Variants in PRND observed in about 807,000 individuals in gnomAD.
PRND encodes prion like protein doppel.
For synonymous variants in PRND, 94 were observed against 93.2 expected (o/e 1.01, Z -0.05); for missense variants, 227 against 223.3 (o/e 1.02, Z -0.11).
rs2122261727 is a variant in PRND, at chr20:4,725,070, C to CATGGTGAAATAAGG, written c.520_521insTGGTGAAATAAGGA (p.Thr174MetfsTer4). On this transcript the variant is annotated stop_gained and frameshift_variant, in exon 2 of 2. Coordinates refer to ENST00000305817, the MANE Select transcript of PRND (RefSeq NM_012409.4). LOFTEE classifies it high-confidence loss of function. ...TCTGCCTTCTGGCTTTGATCTGGCT[C>CATGGTGAAATAAGG]ACGGTGAAATAAGCTTGCCAGGAGG... The CATGGTGAAATAAGG allele has an allele frequency of 1.2e-6, 2 of 1,613,110 alleles. No homozygotes were observed. Among genetic ancestry groups the CATGGTGAAATAAGG allele is most frequent in the East Asian group, 4.5e-5 (2 of 44,848 alleles).
rs1269840084 is a variant in PRND at position 4,726,135 on chromosome 20, A to T, written c.*1053A>T. On this transcript the variant is annotated 3_prime_UTR_variant, in exon 2 of 2. Coordinates refer to ENST00000305817, the MANE Select transcript of PRND (RefSeq NM_012409.4). The stretch of plus-strand genomic sequence containing the variant: ...TGGGCCTCCCATAGTGCTGGGATTC[A>T]ATTTTTTTTTTTTTTTTTTCAAAAG... 3.8e-5 allele frequency: 2 copies of T among 52,416 alleles called. No homozygotes were observed. Among genetic ancestry groups the T allele is most frequent in the Non-Finnish European group, 6.9e-5 (2 of 29,104 alleles). The allele number at this position is 52,416 out of a possible 1,614,324, so 3.2% of individuals were successfully genotyped here. A position where few individuals can be genotyped will look rare whatever the true frequency, so the allele number is the denominator to read the frequency against.
chr20:4,725,242 C>T lies in PRND; in HGVS notation c.*160C>T. On this transcript the variant is annotated 3_prime_UTR_variant, in exon 2 of 2. Transcript: ENST00000305817. ...TCTCACGTATGCGCCCTGGTATGTGCCTGCGTTCTGATAGATGGGGGACTG... is the reference window on the plus strand; with the variant it reads ...TCTCACGTATGCGCCCTGGTATGTGTCTGCGTTCTGATAGATGGGGGACTG... 2 of 874,888 alleles carry T rather than the reference C, an allele frequency of 2.3e-6. No homozygotes were observed. Among genetic ancestry groups the T allele is most frequent in the Non-Finnish European group, 1.8e-6 (1 of 565,682 alleles). The allele number at this position is 874,888 out of a possible 1,614,324, so 54.2% of individuals were successfully genotyped here. A position where few individuals can be genotyped will look rare whatever the true frequency, so the allele number is the denominator to read the frequency against.
chr20:4,724,416 C>A lies in PRND; in HGVS notation c.-11-125C>A, dbSNP rs1273305487. The A allele has an allele frequency of 3.2e-6, 4 of 1,258,120 alleles. No homozygotes were observed. The highest frequency in any genetic ancestry group is 4.6e-6 in the Non-Finnish European group (4 of 875,040). 77.9% of individuals were successfully genotyped at this position (1,258,120 alleles called of 1,614,324 possible). On this transcript the variant is annotated intron_variant, in intron 1 of 1. Transcript: ENST00000305817. This position sits in a 1 kb window ranked among gnomAD's most constrained non-coding sequence, Gnocchi z 4.8. Reference sequence around the variant, plus strand: ...ACCCAAACATGGGGAAACAATTATGCTTTTGAGACCACATAAATAGCACAA... The same window carrying A: ...ACCCAAACATGGGGAAACAATTATGATTTTGAGACCACATAAATAGCACAA...
Position 4,724,480 on chromosome 20 carries a change from G to C in PRND, c.-11-61G>C, listed in dbSNP as rs562629026. On this transcript the variant is annotated intron_variant, in intron 1 of 1. Transcript: ENST00000305817. This position sits in a 1 kb window ranked among gnomAD's most constrained non-coding sequence, Gnocchi z 4.8. The stretch of plus-strand genomic sequence containing the variant: ...TCCTTAAAATCTCCTGCACTTGGGA[G>C]GGGGCAGGGGAGCCCAGGCAGGCCT... The C allele has an allele frequency of 1.8e-5, 29 of 1,586,752 alleles. No homozygotes were observed. In the East Asian group the frequency reaches 6.3e-4, roughly 34 times the overall value.
rs757042575 is a variant in PRND, at chr20:4,724,632, G to A, written c.81G>A (p.Arg27=). 6.2e-7 allele frequency: 1 copy of A among 1,614,150 alleles called. No homozygotes were observed. Among genetic ancestry groups the A allele is most frequent in the Non-Finnish European group, 8.5e-7 (1 of 1,180,032 alleles). Residue 27 remains arginine (R), a synonymous_variant, in exon 2 of 2, where the codon AGG becomes AGA. Coordinates refer to ENST00000305817, the MANE Select transcript of PRND (RefSeq NM_012409.4). This position sits in a 1 kb window ranked among gnomAD's most constrained non-coding sequence, Gnocchi z 4.8. The part of the protein sequence containing the change: ...LFSHLSAVQT[R]GIKHRIKWNR... The stretch of plus-strand genomic sequence containing the variant: ...GCCACCTCTCTGCGGTCCAGACGAG[G>A]GGCATCAAGCACAGAATCAAGTGGA...
At chr20:4,723,650 A>G (rs1347402383) in intron 1 of PRND, among the ~76,000 whole-genome samples, 1 of 152,180 alleles carries the variant, frequency 6.6e-6, no homozygotes, top group Non-Finnish European at 1.5e-5. Flanking sequence ...AAGAGGGGAG[A>G]TTGAAAGTAC....
Position 4,724,465 on chromosome 20 carries a change from C to G in PRND, c.-11-76C>G. ...AAGGATGCGATTCCTTCCTTAAAAT[C>G]TCCTGCACTTGGGAGGGGGCAGGGG... On this transcript the variant is annotated intron_variant, in intron 1 of 1. Transcript: ENST00000305817. This position sits in a 1 kb window ranked among gnomAD's most constrained non-coding sequence, Gnocchi z 4.8. 1 of 1,553,702 alleles carries G rather than the reference C, an allele frequency of 6.4e-7. No homozygotes were observed. The highest frequency in any genetic ancestry group is 8.9e-7 in the Non-Finnish European group (1 of 1,127,932).
rs1051638044 is a variant in PRND at position 4,726,318 on chromosome 20, G to C, written c.*1236G>C. ...CTTTAAATATAATCCCTTTACATCT[G>C]TGTTCTATGCAAAGTCTCTCATTTC... On this transcript the variant is annotated 3_prime_UTR_variant, in exon 2 of 2. Coordinates refer to ENST00000305817, the MANE Select transcript of PRND (RefSeq NM_012409.4). 6.0e-6 allele frequency: 1 copy of C among 166,712 alleles called. No individual in the cohort carries two copies. The highest frequency in any genetic ancestry group is 2.1e-4 in the South Asian group (1 of 4,814). The allele number at this position is 166,712 out of a possible 1,614,324, so 10.3% of individuals were successfully genotyped here.
Position 4,725,218 on chromosome 20 carries a change from C to A in PRND, c.*136C>A. The A allele has an allele frequency of 1.8e-6, 2 of 1,109,592 alleles. No homozygotes were observed. Among genetic ancestry groups the A allele is most frequent in the Non-Finnish European group, 2.6e-6 (2 of 767,678 alleles). 68.7% of individuals were successfully genotyped at this position (1,109,592 alleles called of 1,614,324 possible). ...ATGCACTCGCACTGCAAATGCCGCTCTCACGTATGCGCCCTGGTATGTGCC... is the reference window on the plus strand; with the variant it reads ...ATGCACTCGCACTGCAAATGCCGCTATCACGTATGCGCCCTGGTATGTGCC... On this transcript the variant is annotated 3_prime_UTR_variant, in exon 2 of 2. Transcript: ENST00000305817.
Position 4,724,448 on chromosome 20 carries a change from G to A in PRND, c.-11-93G>A, listed in dbSNP as rs915388531. 29 of 1,480,910 alleles carry A rather than the reference G, an allele frequency of 2.0e-5. No individual in the cohort carries two copies. The highest frequency in any genetic ancestry group is 8.0e-5 in the South Asian group (7 of 87,792). The allele number at this position is 1,480,910 out of a possible 1,614,324, so 91.7% of individuals were successfully genotyped here. On this transcript the variant is annotated intron_variant, in intron 1 of 1. Transcript: ENST00000305817. The surrounding 1 kb of genome is among the most constrained non-coding windows in gnomAD (Gnocchi z 4.8). ...GACCACATAAATAGCACAAGGATGC[G>A]ATTCCTTCCTTAAAATCTCCTGCAC...
intron 1 of PRND, among the ~76,000 whole-genome samples, chr20:4,722,993 G>C (rs1281999659): frequency 1.3e-5 from 2 of 152,172 alleles, no homozygotes; most frequent in Non-Finnish European, 2.9e-5. Flanking sequence ...CTTGACCCGG[G>C]ACCCTCCTGG....
rs1278644761 is a variant in PRND at position 4,725,123 on chromosome 20, A to G, written c.*41A>G. 6.3e-7 allele frequency: 1 copy of G among 1,586,812 alleles called. No homozygotes were observed. Among genetic ancestry groups the G allele is most frequent in the Non-Finnish European group, 8.6e-7 (1 of 1,166,248 alleles). On this transcript the variant is annotated 3_prime_UTR_variant, in exon 2 of 2. Transcript: ENST00000305817. ...GGCAGTACAGAGTGCAGCAGCGAGC[A>G]AATCCTGGCAAGTGACCCAGCTCTT... is the stretch of plus-strand genomic sequence containing the variant.
At position 4,724,186 on chromosome 20, in the gene PRND, G is replaced by T. The variant is rs199886346; in HGVS notation, c.-11-355G>T. ...CTCTTCTATTGTATTTTCCTCCCAG[G>T]GATTTCTTGATTTGAAAGACTTGGG... On this transcript the variant is annotated intron_variant, in intron 1 of 1. Transcript: ENST00000305817. The surrounding 1 kb of genome is among the most constrained non-coding windows in gnomAD (Gnocchi z 4.8). Among the ~76,000 whole-genome samples, 3 of 151,516 alleles carry T rather than the reference G, an allele frequency of 2.0e-5. No homozygotes were observed. Among genetic ancestry groups the T allele is most frequent in the East Asian group, 3.9e-4 (2 of 5,178 alleles).
In PRND at chr20:4,727,327, T is replaced by G. The variant is rs1473318483; in HGVS notation, c.*2245T>G. On this transcript the variant is annotated 3_prime_UTR_variant, in exon 2 of 2. Transcript: ENST00000305817. ...TGGTGATTCAAATGCAAAATTTGTT[T>G]ATGGGGCTTTTAATCGAACGCGTGT... The G allele has an allele frequency of 3.6e-5, 6 of 167,078 alleles. No homozygotes were observed. Among genetic ancestry groups the G allele is most frequent in the African/African-American group, 1.4e-4 (6 of 41,432 alleles). 10.3% of individuals were successfully genotyped at this position (167,078 alleles called of 1,614,324 possible).
rs1923182136 is a variant in PRND, at chr20:4,724,008, A to G, written c.-11-533A>G. On this transcript the variant is annotated intron_variant, in intron 1 of 1. Transcript: ENST00000305817. This position sits in a 1 kb window ranked among gnomAD's most constrained non-coding sequence, Gnocchi z 4.8. ...TGTGTCTGTACATATACGTATATAT[A>G]TATGTGTGTATATATACATATATGT... Among the ~76,000 whole-genome samples, 1 of 150,498 alleles carries G rather than the reference A, an allele frequency of 6.6e-6. No individual in the cohort carries two copies.
In PRND at chr20:4,724,986, C is replaced by T. The variant is rs779451602; in HGVS notation, c.435C>T (p.Cys145=). The T allele has an allele frequency of 2.1e-5, 34 of 1,613,802 alleles. 2 individuals carry two copies. In the South Asian group the frequency reaches 2.3e-4, roughly 11 times the overall value. The change falls in exon 2 of 2, where the codon TGC becomes TGT. Residue 145 remains cysteine (C), a synonymous_variant. Coordinates refer to ENST00000305817, the MANE Select transcript of PRND (RefSeq NM_012409.4). The surrounding 1 kb of genome is among the most constrained non-coding windows in gnomAD (Gnocchi z 4.8). The stretch of plus-strand genomic sequence containing the variant: ...AGGAGCTCTGCTCCCTCAAGCATTG[C>T]GAGTTTTGGTTGGAGAGGGGCGCAG... ...LVQELCSLKH[C]EFWLERGAGL...
intron 1 of PRND, among the ~76,000 whole-genome samples, chr20:4,723,064 C>T (rs1002536157): frequency 3.9e-5 from 6 of 152,128 alleles, no homozygotes; most frequent in African/African-American, 7.2e-5. Context: ...TCCTCAAGGG[C>T]CCTGCCCTTT....
Position 4,726,432 on chromosome 20 carries a change from A to G in PRND, c.*1350A>G, listed in dbSNP as rs1923270343. ...TACTCACCAAAAAGCTTTAAAAAAT[A>G]AAGCTGTGTCTTTAGGGAGACCCAA... On this transcript the variant is annotated 3_prime_UTR_variant, in exon 2 of 2. Transcript: ENST00000305817. 1 of 167,106 alleles carries G rather than the reference A, an allele frequency of 6.0e-6. No individual in the cohort carries two copies. The highest frequency in any genetic ancestry group is 2.1e-4 in the South Asian group (1 of 4,838). The allele number at this position is 167,106 out of a possible 1,614,324, so 10.4% of individuals were successfully genotyped here.
chr20:4,722,536 A>T (rs960305023), intron 1 of PRND, among the ~76,000 whole-genome samples: 1 of 151,508 alleles, frequency 6.6e-6, no homozygotes, highest in African/African-American at 2.4e-5. Flanking sequence ...GCTTCTAGAG[A>T]TGACTGGATG....
Sources: allele counts gnomAD v4.1 joint callset (sites outside exome capture counted in the v4.1 genomes callset), GRCh38; gene constraint gnomAD v4.1.1; non-coding constraint Gnocchi (gnomAD v3.1); transcripts MANE v1.5; gene names NCBI Gene and HGNC (gene_info 2026-07-23, HGNC 2026-07-21).